The following MAGI3 variants were observed in gnomAD, a reference collection of about 807,000 sequenced individuals.
MAGI3 encodes membrane-associated guanylate kinase, WW and PDZ domain-containing protein 3.
In MAGI3, 43 loss-of-function variants were observed where a neutral mutation model predicts 121.8. The observed-to-expected ratio is 0.35, with a 90% CI of 0.28 to 0.46. The LOEUF is 0.46. Among genes scored for constraint, MAGI3 ranks in the 20% least tolerant of loss-of-function variants. MAGI3 has a pLI of 1.00. For missense variants in MAGI3, 1,547 were observed against 1,797.3 expected (o/e 0.86, Z 2.52); for synonymous variants, 553 against 639.3 (o/e 0.86, Z 2.04).
At chr1:113,449,360 G>GGT (rs71087199) in intron 1 of MAGI3, among the ~76,000 whole-genome samples, 90,787 of 147,182 alleles carry the variant, frequency 0.62, 28,226 homozygotes, top group African/African-American at 0.68. Context: ...TTACTTTTAT[G>GGT]GTGTGTGTGT....
intron 1 of MAGI3, among the ~76,000 whole-genome samples, chr1:113,528,953 G>A (rs1394462680): frequency 1.3e-5 from 2 of 152,176 alleles, no homozygotes; most frequent in East Asian, 3.9e-4. Context: ...TTATGTTACT[G>A]ATTTGACAAG....
At chr1:113,529,580 A>G (rs1658612043) in intron 1 of MAGI3, among the ~76,000 whole-genome samples, 2 of 152,146 alleles carry the variant, frequency 1.3e-5, no homozygotes, top group Non-Finnish European at 2.9e-5. Flanking sequence ...GAACATAAAT[A>G]TTTAGTCTGT....
intron 9 of MAGI3, among the ~76,000 whole-genome samples, chr1:113,636,659 A>G (rs1185913068): frequency 6.6e-6 from 1 of 152,020 alleles, no homozygotes. Context: ...TATGTGGTCA[A>G]TTTTGGAATA....
chr1:113,637,966 T>G (rs1652155488), intron 9 of MAGI3, among the ~76,000 whole-genome samples: 1 of 152,228 alleles, frequency 6.6e-6, no homozygotes, highest in Non-Finnish European at 1.5e-5. Flanking sequence ...CCTTCTCGCT[T>G]CATTTCATTC....
At chr1:113,588,634 T>G (rs1648523963) in intron 4 of MAGI3, among the ~76,000 whole-genome samples, 1 of 152,094 alleles carries the variant, frequency 6.6e-6, no homozygotes, top group Non-Finnish European at 1.5e-5. Context: ...GGATACCAGT[T>G]AGGAGGTTAT....
chr1:113,464,711 C>T (rs886197008), intron 1 of MAGI3, among the ~76,000 whole-genome samples: 1 of 152,122 alleles, frequency 6.6e-6, no homozygotes, highest in African/African-American at 2.4e-5. Flanking sequence ...GAGATGGTAT[C>T]TCATTGTGGT....
At chr1:113,443,941 T>C (rs1654040275) in intron 1 of MAGI3, among the ~76,000 whole-genome samples, 1 of 152,222 alleles carries the variant, frequency 6.6e-6, no homozygotes, top group Non-Finnish European at 1.5e-5. Flanking sequence ...AAGAGGATTT[T>C]GGTAAGACGG....
intron 9 of MAGI3, among the ~76,000 whole-genome samples, chr1:113,636,976 T>C (rs1459673088): frequency 2.0e-5 from 3 of 152,218 alleles, no homozygotes; most frequent in Non-Finnish European, 4.4e-5. Context: ...CCTTTACCAT[T>C]ATGTAATGGC....
intron 13 of MAGI3, 117 bp downstream of exon 13, chr1:113,649,445 G>C: frequency 1.6e-6 from 1 of 621,698 alleles, no homozygotes; most frequent in South Asian, 2.6e-5. Context: ...TTAATATGAA[G>C]AATAACTGCA....
intron 9 of MAGI3, 126 bp from the exon 10 acceptor site, chr1:113,641,785 C>T: frequency 1.4e-6 from 1 of 733,658 alleles, no homozygotes; most frequent in Non-Finnish European, 2.1e-6. Context: ...TCTATCTTTT[C>T]AGCAGTTAAT....
At chr1:113,512,323 G>A (rs1440931717) in intron 1 of MAGI3, among the ~76,000 whole-genome samples, 7 of 152,046 alleles carry the variant, frequency 4.6e-5, no homozygotes. Flanking sequence ...TAAAATCACA[G>A]GCCTTGAAGA....
At chr1:113,577,412 A>G (rs891115215) in intron 2 of MAGI3, among the ~76,000 whole-genome samples, 1 of 152,126 alleles carries the variant, frequency 6.6e-6, no homozygotes, top group African/African-American at 2.4e-5. Context: ...GAGACTGTGT[A>G]TGGCTCCAAA....
intron 1 of MAGI3, among the ~76,000 whole-genome samples, chr1:113,416,372 A>G (rs1427564164): frequency 4.2e-5 from 5 of 118,340 alleles, no homozygotes; most frequent in African/African-American, 1.6e-4. Context: ...ATATTATATT[A>G]ATATATTAAT....
In MAGI3 at chr1:113,544,337, A is replaced by G. The variant is rs115762022; in HGVS notation, c.317-5178A>G. Among the ~76,000 whole-genome samples the G allele has an allele frequency of 2.8e-3, 424 of 152,320 alleles. 1 individual carries two copies. Among genetic ancestry groups the G allele is most frequent in the Non-Finnish European group, 4.8e-3 (325 of 68,020 alleles). On this transcript the variant is annotated intron_variant, in intron 1 of 20. Coordinates refer to ENST00000307546, the MANE Select transcript of MAGI3 (RefSeq NM_001142782.2). ...ATTGGTTGTGTGTTGATGTGGTTGT[A>G]TTGAACAGTTTATTGGGAAAGTCAC...
intron 1 of MAGI3, among the ~76,000 whole-genome samples, chr1:113,448,633 G>A (rs1654300855): frequency 1.3e-5 from 2 of 151,914 alleles, no homozygotes; most frequent in Admixed American, 1.3e-4. Context: ...TTCTTTTAAA[G>A]CAATGATTTA....
At chr1:113,594,647 C>CAT in intron 6 of MAGI3, 87 bp downstream of exon 6, 3 of 1,088,802 alleles carry the variant, frequency 2.8e-6, no homozygotes, top group Non-Finnish European at 4.0e-6. Context: ...TTTCAAAACC[C>CAT]TAAACAAACC....
rs774574440 is a variant in MAGI3, at chr1:113,622,967, G to A, written c.1333G>A (p.Ala445Thr). 2.8e-5 allele frequency: 43 copies of A among 1,551,164 alleles called. No individual in the cohort carries two copies. Among genetic ancestry groups the A allele is most frequent in the African/African-American group, 8.4e-5 (6 of 71,080 alleles). ...GAAAAATGTGCTGAAAGATGGTCCC[G>A]CAGCTCAGGATGGGAAAATTGCACC... ...QVKNVLKDGP[A>T]AQDGKIAPGD... Residue 445 changes from alanine to threonine, a missense_variant, in exon 9 of 21, where the codon GCA (alanine) becomes ACA (threonine). Physicochemically the swap from Ala to Thr is moderately conservative, Grantham distance 58. Transcript: ENST00000307546.
chr1:113,617,215 T>G (rs1380024960), intron 7 of MAGI3, among the ~76,000 whole-genome samples: 1 of 152,182 alleles, frequency 6.6e-6, no homozygotes, highest in Non-Finnish European at 1.5e-5. Context: ...GAAAGAATAT[T>G]TTGTTGAGAT....
In MAGI3 at chr1:113,675,236, G is replaced by A. The variant is rs114987393; in HGVS notation, c.3189+1771G>A. ...TGTAATTTATGCATACAGTGGTAGT[G>A]GTGGGAGTATAACTTGAATGGTAAC... On this transcript the variant is annotated intron_variant, in intron 19 of 20. Transcript: ENST00000307546. Among the ~76,000 whole-genome samples the A allele has an allele frequency of 7.6e-3, 1,159 of 152,268 alleles. 12 individuals carry two copies. Among genetic ancestry groups the A allele is most frequent in the African/African-American group, 0.026 (1,084 of 41,542 alleles).
Sources: allele counts gnomAD v4.1 joint callset (sites outside exome capture counted in the v4.1 genomes callset), GRCh38; gene constraint gnomAD v4.1.1; transcripts MANE v1.5; gene names NCBI Gene and HGNC (gene_info 2026-07-23, HGNC 2026-07-21).